Variants in ALCAM observed in about 807,000 individuals in gnomAD.
The protein encoded by ALCAM is CD166 antigen.
ALCAM carries 30 observed loss-of-function variants against 70.9 expected under a neutral mutation model. The ratio of observed to expected loss-of-function variants is 0.42; its 90% CI spans 0.32 to 0.57. ALCAM has a LOEUF of 0.57. Among genes scored for constraint, ALCAM ranks in the 20% least tolerant of loss-of-function variants. The pLI is 0.11. For synonymous variants in ALCAM, 249 were observed against 242.5 expected, an observed-to-expected ratio of 1.03 and a Z score of -0.25; for missense variants, 591 against 695.1, an observed-to-expected ratio of 0.85 and a Z score of 1.68.
intron 1 of ALCAM, among the ~76,000 whole-genome samples, chr3:105,420,653 T>C (rs894799248): frequency 2.0e-5 from 3 of 151,690 alleles, no homozygotes; most frequent in Non-Finnish European, 4.4e-5. Context: ...AGCCACCATT[T>C]AGAGAAAGTC....
chr3:105,520,347 A>G (rs1023149395), intron 2 of ALCAM, among the ~76,000 whole-genome samples, 180 bp downstream of exon 2: 1 of 152,218 alleles, frequency 6.6e-6, no homozygotes, highest in African/African-American at 2.4e-5. Context: ...TACATAACAA[A>G]TGATATTTTA....
chr3:105,426,278 T>C (rs1342194854), intron 1 of ALCAM, among the ~76,000 whole-genome samples: 1 of 151,918 alleles, frequency 6.6e-6, no homozygotes, highest in Admixed American at 6.6e-5. Flanking sequence ...TCTATATTAA[T>C]TGTATTTTTA....
chr3:105,566,218 G>C (rs1407351093), intron 14 of ALCAM, among the ~76,000 whole-genome samples: 2 of 152,200 alleles, frequency 1.3e-5, no homozygotes, highest in East Asian at 3.9e-4. Context: ...CTGATACCAA[G>C]GGACAACTGT....
chr3:105,486,237 A>G (rs1306657905), intron 1 of ALCAM, among the ~76,000 whole-genome samples: 1 of 152,102 alleles, frequency 6.6e-6, no homozygotes, highest in Non-Finnish European at 1.5e-5. Flanking sequence ...AAATTATTGA[A>G]TGAAGAGCCT....
At chr3:105,490,233 A>G (rs1576197710) in intron 1 of ALCAM, among the ~76,000 whole-genome samples, 1 of 152,182 alleles carries the variant, frequency 6.6e-6, no homozygotes, top group Non-Finnish European at 1.5e-5. Flanking sequence ...CTAAATACCA[A>G]CTGTTTGAAG....
intron 1 of ALCAM, among the ~76,000 whole-genome samples, chr3:105,369,567 A>G (rs2107313876): frequency 6.6e-6 from 1 of 152,344 alleles, no homozygotes; most frequent in East Asian, 1.9e-4. Flanking sequence ...GTCTACACTG[A>G]GGAAGCAAGT....
intron 1 of ALCAM, among the ~76,000 whole-genome samples, chr3:105,420,216 T>C (rs1178144338): frequency 1.3e-5 from 2 of 151,694 alleles, no homozygotes; most frequent in East Asian, 3.9e-4. Context: ...ATGTTCCTCT[T>C]CCTCTCTCTC....
intron 3 of ALCAM, chr3:105,525,384 C>T: frequency 1.0e-6 from 1 of 976,504 alleles, no homozygotes; most frequent in Non-Finnish European, 1.2e-6. Context: ...TTTTAAAACT[C>T]AAATAAAAAG....
At chr3:105,450,963 G>A (rs1431784645) in intron 1 of ALCAM, among the ~76,000 whole-genome samples, 1 of 152,070 alleles carries the variant, frequency 6.6e-6, no homozygotes, top group African/African-American at 2.4e-5. Flanking sequence ...CATGTAGAGG[G>A]AGAATTAGGA....
intron 14 of ALCAM, among the ~76,000 whole-genome samples, chr3:105,570,965 GA>G (rs1940848967): frequency 6.6e-6 from 1 of 152,122 alleles, no homozygotes; most frequent in African/African-American, 2.4e-5. Flanking sequence ...AGGGAAGGTG[GA>G]AGGGGTGCAC....
In ALCAM at chr3:105,426,422, A is replaced by T. The variant is rs74896901; in HGVS notation, c.73+58941A>T. Among the ~76,000 whole-genome samples, 258 of 152,092 alleles carry T rather than the reference A, an allele frequency of 1.7e-3. 4 individuals are homozygous for T. The highest frequency in any genetic ancestry group is 0.015 in the East Asian group (77 of 5,156). On this transcript the variant is annotated intron_variant, in intron 1 of 15. Coordinates refer to ENST00000306107, the MANE Select transcript of ALCAM (RefSeq NM_001627.4). ...TTATGGCAAAATGTGATGTTTTGAT[A>T]AATGTATAAATTTTGTAATGATCAA... is the stretch of plus-strand genomic sequence containing the variant.
At chr3:105,442,293 A>G (rs922393308) in intron 1 of ALCAM, among the ~76,000 whole-genome samples, 46 of 152,330 alleles carry the variant, frequency 3.0e-4, no homozygotes, top group African/African-American at 9.1e-4. Flanking sequence ...GGGCTCAAGT[A>G]AAATGAACTA....
At chr3:105,413,695 T>G (rs1344249503) in intron 1 of ALCAM, among the ~76,000 whole-genome samples, 1 of 152,150 alleles carries the variant, frequency 6.6e-6, no homozygotes, top group Non-Finnish European at 1.5e-5. Flanking sequence ...AGAACAGACT[T>G]AATACTGAAT....
At chr3:105,551,792 T>C (rs982405623) in intron 12 of ALCAM, among the ~76,000 whole-genome samples, 2 of 151,548 alleles carry the variant, frequency 1.3e-5, no homozygotes, top group African/African-American at 4.8e-5. Context: ...AACATCACAC[T>C]GTAGACTTCC....
intron 1 of ALCAM, among the ~76,000 whole-genome samples, chr3:105,451,806 T>C (rs990250423): frequency 2.0e-5 from 3 of 152,192 alleles, no homozygotes; most frequent in Non-Finnish European, 2.9e-5. Context: ...TAAAACCATA[T>C]TGGCAAGGAT....
intron 11 of ALCAM, among the ~76,000 whole-genome samples, chr3:105,549,454 T>C (rs1940340087): frequency 6.7e-6 from 1 of 149,502 alleles, no homozygotes; most frequent in Admixed American, 6.7e-5. Context: ...GAGAAAAGAG[T>C]GCAAGTACAT....
intron 14 of ALCAM, among the ~76,000 whole-genome samples, chr3:105,563,468 G>A (rs1940671189): frequency 6.7e-6 from 1 of 150,054 alleles, no homozygotes; most frequent in South Asian, 2.1e-4. Context: ...CTGATTTCTT[G>A]AAATAAAAAT....
chr3:105,439,978 A>C (rs1339115536), intron 1 of ALCAM, among the ~76,000 whole-genome samples: 1 of 152,280 alleles, frequency 6.6e-6, no homozygotes, highest in African/African-American at 2.4e-5. Context: ...TATCATAAAA[A>C]GTAAGGTTAG....
intron 1 of ALCAM, among the ~76,000 whole-genome samples, chr3:105,487,322 C>A (rs942198441): frequency 2.0e-5 from 3 of 152,106 alleles, no homozygotes; most frequent in African/African-American, 7.2e-5. Context: ...ATAGTCTACT[C>A]TTAAATCTTT....
Sources: allele counts gnomAD v4.1 joint callset (sites outside exome capture counted in the v4.1 genomes callset), GRCh38; gene constraint gnomAD v4.1.1; transcripts MANE v1.5; gene names NCBI Gene and HGNC (gene_info 2026-07-23, HGNC 2026-07-21).